The following ARHGEF35 variants were observed in gnomAD, a reference collection of about 807,000 sequenced individuals.
The protein encoded by ARHGEF35 is Rho guanine nucleotide exchange factor (GEF) 35.
For missense variants in ARHGEF35, 114 were observed against 449.7 expected (o/e 0.25, Z 6.75); for synonymous variants, 47 against 170.4 (o/e 0.28, Z 5.64).
intron 1 of ARHGEF35, among the ~76,000 whole-genome samples, chr7:144,189,750 G>A (rs1307230569): frequency 8.4e-5 from 10 of 119,192 alleles, no homozygotes; most frequent in African/African-American, 3.1e-4. Context: ...GTTACTTGTG[G>A]TATTACATTT....
chr7:144,191,585 AG>A lies in ARHGEF35; in HGVS notation c.-12-3191del, dbSNP rs759291905. Among the ~76,000 whole-genome samples, 40 of 130,816 alleles carry A rather than the reference AG, an allele frequency of 3.1e-4. 2 individuals carry two copies. Among genetic ancestry groups the A allele is most frequent in the Non-Finnish European group, 6.0e-4 (36 of 60,428 alleles). 85.8% of individuals were successfully genotyped at this position (130,816 alleles called of 152,430 possible). A position where few individuals can be genotyped will look rare whatever the true frequency, so the allele number is the denominator to read the frequency against. The stretch of plus-strand genomic sequence containing the variant: ...ATATAACCCCCTCTGCCTGAAGCCT[AG>A]TTGGCCCTCAACAAAGATGTATTGT... On this transcript the variant is annotated intron_variant, in intron 1 of 1. Transcript: ENST00000378115.
At position 144,187,104 on chromosome 7, in the gene ARHGEF35, T is replaced by C. The variant is rs748167394; in HGVS notation, c.1280A>G (p.Tyr427Cys). 7.2e-6 allele frequency: 11 copies of C among 1,533,906 alleles called. 1 individual carries two copies. The African/African-American group carries it at 1.3e-4, about 18-fold the overall frequency. Residue 427 changes from tyrosine (Y) to cysteine (C), a missense_variant, in exon 2 of 2, where the codon TAT (tyrosine) becomes TGT (cysteine). Physicochemically the swap from Tyr to Cys is radical, Grantham distance 194. Transcript: ENST00000378115. ...AGTCCCGGGAATCTGAGTCACGAGA[T>C]ATGAGGCACCTGGAAACAGGTCACA... is the stretch of plus-strand genomic sequence containing the variant. ...PHCDLFPGAS[Y>C]LVTQIPGTQT...
In ARHGEF35 at chr7:144,187,090, T is replaced by A. The variant is rs755769126; in HGVS notation, c.1294A>T (p.Ile432Phe). The change falls in exon 2 of 2, where the codon ATT becomes TTT. Residue 432 changes from isoleucine (I) to phenylalanine (F), a missense_variant. Coordinates refer to ENST00000378115, the MANE Select transcript of ARHGEF35 (RefSeq NM_001003702.3). Reference sequence around the variant, plus strand: ...CTGGACTCTGTCTGAGTCCCGGGAATCTGAGTCACGAGATATGAGGCACCT... The same window carrying A: ...CTGGACTCTGTCTGAGTCCCGGGAAACTGAGTCACGAGATATGAGGCACCT... ...FPGASYLVTQ[I>F]PGTQTESRAE... 7.1e-6 allele frequency: 11 copies of A among 1,538,620 alleles called. 1 individual carries two copies. The highest frequency in any genetic ancestry group is 9.8e-6 in the Non-Finnish European group (11 of 1,120,916).
chr7:144,186,941 T>G lies in ARHGEF35; in HGVS notation c.1443A>C (p.Leu481=), dbSNP rs201120634. 1.9e-4 allele frequency: 293 copies of G among 1,514,098 alleles called. 45 individuals carry two copies. The highest frequency in any genetic ancestry group is 2.6e-4 in the Non-Finnish European group (289 of 1,105,332). The allele number at this position is 1,514,098 out of a possible 1,614,324, so 93.8% of individuals were successfully genotyped here. A position where few individuals can be genotyped will look rare whatever the true frequency, so the allele number is the denominator to read the frequency against. The stretch of plus-strand genomic sequence containing the variant: ...AAACTGTGACATATCAAAGTACTGA[T>G]AGAAGTTTTTCCTTGTCAGGTGACT... ...TEESPDKEKL[L]SVL The change falls in exon 2 of 2, where the codon CTA becomes CTC. Residue 481 remains leucine (L), a synonymous_variant. Transcript: ENST00000378115.
At position 144,186,725 on chromosome 7, in the gene ARHGEF35, T is replaced by G. The variant is rs2051956813; in HGVS notation, c.*204A>C. 5.6e-6 allele frequency: 3 copies of G among 533,164 alleles called. No homozygotes were observed. The highest frequency in any genetic ancestry group is 9.3e-6 in the Non-Finnish European group (3 of 321,028). 33.0% of individuals were successfully genotyped at this position (533,164 alleles called of 1,614,324 possible). On this transcript the variant is annotated 3_prime_UTR_variant, in exon 2 of 2. Transcript: ENST00000378115. ...GCCCTAAAACTCGCCACAACAAATT[T>G]AAAAGAGATAGTAATCATCCAGAGC...
At chr7:144,190,900 T>A (rs1299380850) in intron 1 of ARHGEF35, among the ~76,000 whole-genome samples, 8 of 121,188 alleles carry the variant, frequency 6.6e-5, no homozygotes, top group Non-Finnish European at 1.2e-4. Context: ...CCAGCCTAGG[T>A]GACAGAGTGA....
chr7:144,186,650 T>TA lies in ARHGEF35; in HGVS notation c.*278dup. 2 of 286,730 alleles carry TA rather than the reference T, an allele frequency of 7.0e-6. No individual in the cohort carries two copies. Among genetic ancestry groups the TA allele is most frequent in the East Asian group, 9.9e-5 (2 of 20,258 alleles). 17.8% of individuals were successfully genotyped at this position (286,730 alleles called of 1,614,324 possible). The stretch of plus-strand genomic sequence containing the variant: ...CCACACAGTAACAGCAGAATACACA[T>TA]ATTTTTTTTGAGTGCTGACGAAACA... On this transcript the variant is annotated 3_prime_UTR_variant, in exon 2 of 2. Transcript: ENST00000378115.
rs760966083 is a variant in ARHGEF35, at chr7:144,186,936, A to C, written c.1448T>G (p.Val483Gly). 4 of 1,507,034 alleles carry C rather than the reference A, an allele frequency of 2.7e-6. No homozygotes were observed. Among genetic ancestry groups the C allele is most frequent in the African/African-American group, 1.4e-5 (1 of 69,540 alleles). The allele number at this position is 1,507,034 out of a possible 1,614,324, so 93.4% of individuals were successfully genotyped here. A position where few individuals can be genotyped will look rare whatever the true frequency, so the allele number is the denominator to read the frequency against. ...ACATGAAACTGTGACATATCAAAGT[A>C]CTGATAGAAGTTTTTCCTTGTCAGG... Reference protein sequence around the residue: ...ESPDKEKLLSVL With the variant: ...ESPDKEKLLSGL Residue 483 changes from valine to glycine, a missense_variant, in exon 2 of 2, where the codon GTA (valine) becomes GGA (glycine). By Grantham distance (109) the Val-to-Gly change is moderately radical. Transcript: ENST00000378115.
rs1586940964 is a variant in ARHGEF35 at position 144,187,098 on chromosome 7, A to T, written c.1286T>A (p.Val429Glu). 2 of 1,536,138 alleles carry T rather than the reference A, an allele frequency of 1.3e-6. No individual in the cohort carries two copies. Among genetic ancestry groups the T allele is most frequent in the Non-Finnish European group, 1.8e-6 (2 of 1,119,610 alleles). The part of the protein sequence containing the change: ...CDLFPGASYL[V>E]TQIPGTQTES... ...TGTCTGAGTCCCGGGAATCTGAGTCACGAGATATGAGGCACCTGGAAACAG... is the reference window on the plus strand; with the variant it reads ...TGTCTGAGTCCCGGGAATCTGAGTCTCGAGATATGAGGCACCTGGAAACAG... The change falls in exon 2 of 2, where the codon GTG becomes GAG. Residue 429 changes from valine (V) to glutamate (E), a missense_variant. Coordinates refer to ENST00000378115, the MANE Select transcript of ARHGEF35 (RefSeq NM_001003702.3).
chr7:144,186,947 T>G lies in ARHGEF35; in HGVS notation c.1437A>C (p.Lys479Asn). 1.3e-6 allele frequency: 2 copies of G among 1,518,942 alleles called. No individual in the cohort carries two copies. The highest frequency in any genetic ancestry group is 1.1e-5 in the South Asian group (1 of 88,214). The allele number at this position is 1,518,942 out of a possible 1,614,324, so 94.1% of individuals were successfully genotyped here. A position where few individuals can be genotyped will look rare whatever the true frequency, so the allele number is the denominator to read the frequency against. The change falls in exon 2 of 2, where the codon AAA becomes AAC. Residue 479 changes from lysine (K) to asparagine (N), a missense_variant. Transcript: ENST00000378115. Reference sequence around the variant, plus strand: ...TGACATATCAAAGTACTGATAGAAGTTTTTCCTTGTCAGGTGACTCCTCAG... The same window carrying G: ...TGACATATCAAAGTACTGATAGAAGGTTTTCCTTGTCAGGTGACTCCTCAG... Reference protein sequence around the residue: ...FLTEESPDKEKLLSVL With the variant: ...FLTEESPDKENLLSVL
At chr7:144,191,343 A>T (rs1478674509) in intron 1 of ARHGEF35, among the ~76,000 whole-genome samples, 3 of 31,204 alleles carry the variant, frequency 9.6e-5, no homozygotes, top group Admixed American at 4.4e-4. Flanking sequence ...CCCTGCCCCC[A>T]TCCCCCCCCC....
At chr7:144,192,165 G>T (rs1433820745) in intron 1 of ARHGEF35, among the ~76,000 whole-genome samples, 1 of 122,318 alleles carries the variant, frequency 8.2e-6, no homozygotes, top group Non-Finnish European at 1.8e-5. Context: ...CACCTTTCTT[G>T]TCTGGTCCAG....
intron 1 of ARHGEF35, among the ~76,000 whole-genome samples, chr7:144,191,144 T>C (rs1403279341): frequency 9.1e-6 from 1 of 109,468 alleles, no homozygotes; most frequent in East Asian, 6.0e-4. Context: ...TCCACCCATT[T>C]CACGTTATTC....
intron 1 of ARHGEF35, among the ~76,000 whole-genome samples, chr7:144,192,209 G>T (rs2052009654): frequency 9.6e-6 from 1 of 103,690 alleles, no homozygotes; most frequent in African/African-American, 4.5e-5. Context: ...TCAGAATACT[G>T]TCCTGCTTAG....
Position 144,186,710 on chromosome 7 carries a change from T to C in ARHGEF35, c.*219A>G. ...ATAGAGCTGTCCTAGGCCCTAAAAC[T>C]CGCCACAACAAATTTAAAAGAGATA... On this transcript the variant is annotated 3_prime_UTR_variant, in exon 2 of 2. Transcript: ENST00000378115. The C allele has an allele frequency of 2.1e-6, 1 of 485,220 alleles. No homozygotes were observed. 30.1% of individuals were successfully genotyped at this position (485,220 alleles called of 1,614,324 possible). A position where few individuals can be genotyped will look rare whatever the true frequency, so the allele number is the denominator to read the frequency against.
At chr7:144,194,204 G>GAGGTCCTAAT (rs1333736918) in intron 1 of ARHGEF35, among the ~76,000 whole-genome samples, 1 of 36,398 alleles carries the variant, frequency 2.7e-5, no homozygotes, top group Non-Finnish European at 7.1e-5. Context: ...TCTAATATAT[G>GAGGTCCTAAT]AACACTCTTC....
chr7:144,193,955 CCT>C (rs1467732159), intron 1 of ARHGEF35, among the ~76,000 whole-genome samples: 1 of 139,124 alleles, frequency 7.2e-6, no homozygotes, highest in Non-Finnish European at 1.6e-5. Context: ...TGACCCAGCC[CCT>C]GTCTACACTA....
At position 144,186,204 on chromosome 7, in the gene ARHGEF35, A is replaced by C. The variant is rs1261429959; in HGVS notation, c.*725T>G. 1.9e-4 allele frequency: 32 copies of C among 168,296 alleles called. No homozygotes were observed. Among genetic ancestry groups the C allele is most frequent in the African/African-American group, 1.0e-3 (31 of 30,984 alleles). The allele number at this position is 168,296 out of a possible 1,614,324, so 10.4% of individuals were successfully genotyped here. A position where few individuals can be genotyped will look rare whatever the true frequency, so the allele number is the denominator to read the frequency against. ...TATATATGTAATCTTGCAGGTGAGGAGGCTTTAAATTCTAAAGGTTGTGGT... is the reference window on the plus strand; with the variant it reads ...TATATATGTAATCTTGCAGGTGAGGCGGCTTTAAATTCTAAAGGTTGTGGT... On this transcript the variant is annotated 3_prime_UTR_variant, in exon 2 of 2. Coordinates refer to ENST00000378115, the MANE Select transcript of ARHGEF35 (RefSeq NM_001003702.3).
intron 1 of ARHGEF35, among the ~76,000 whole-genome samples, chr7:144,189,283 C>T (rs1371529781): frequency 1.9e-4 from 1 of 5,286 alleles, no homozygotes; most frequent in African/African-American, 1.4e-3. Context: ...CAGCAGAACA[C>T]CTCATCTCCT....
Sources: allele counts gnomAD v4.1 joint callset (sites outside exome capture counted in the v4.1 genomes callset), GRCh38; gene constraint gnomAD v4.1.1; transcripts MANE v1.5; gene names NCBI Gene and HGNC (gene_info 2026-07-23, HGNC 2026-07-21).